The following LRRC37A2 variants were observed in gnomAD, a reference collection of about 807,000 sequenced individuals.
LRRC37A2 encodes the protein leucine-rich repeat-containing protein 37A2.
Under a neutral mutation model 68.8 loss-of-function variants are expected in LRRC37A2, and 9 were observed. That is an observed-to-expected ratio of 0.13 (90% CI 0.08 to 0.23). The LOEUF (loss-of-function observed/expected upper bound fraction) is 0.23. Among genes scored for constraint, LRRC37A2 ranks in the 10% least tolerant of loss-of-function variants. The pLI, the probability that LRRC37A2 is intolerant of heterozygous loss-of-function variation, is 1.00. For synonymous variants in LRRC37A2, 63 were observed against 367.6 expected (o/e 0.17, Z 9.48); for missense variants, 168 against 950.4 (o/e 0.18, Z 10.82).
chr17:46,733,472 A>G, the LRRC37A2 span, among the ~76,000 whole-genome samples: 1 of 152,144 alleles, frequency 6.6e-6, no homozygotes. Context: ...CTCACTGTTT[A>G]ATGCTGGGTT....
chr17:46,946,730 G>A, the LRRC37A2 span, among the ~76,000 whole-genome samples: 2 of 152,128 alleles, frequency 1.3e-5, no homozygotes, highest in Non-Finnish European at 2.9e-5. Flanking sequence ...AGGCAAGTTG[G>A]TGTGCGCCTG....
the LRRC37A2 span, among the ~76,000 whole-genome samples, chr17:46,894,632 C>T: frequency 1.8e-4 from 27 of 152,166 alleles, no homozygotes; most frequent in African/African-American, 6.5e-4. Context: ...GAGGGCTTGG[C>T]TGACAGATCT....
the LRRC37A2 span, chr17:46,931,978 C>T: frequency 1.3e-4 from 148 of 1,147,682 alleles, no homozygotes; most frequent in East Asian, 2.0e-3. Context: ...AGTAAGGAAA[C>T]GCCGTCTTTC....
chr17:46,908,392 G>A, the LRRC37A2 span, among the ~76,000 whole-genome samples: 1 of 152,192 alleles, frequency 6.6e-6, no homozygotes, highest in African/African-American at 2.4e-5. Context: ...CGCCATTAAT[G>A]CAGCTTGTCT....
the LRRC37A2 span, among the ~76,000 whole-genome samples, chr17:46,622,419 G>C: frequency 6.7e-6 from 1 of 150,130 alleles, no homozygotes; most frequent in Non-Finnish European, 1.5e-5. Flanking sequence ...TATCGCACCA[G>C]GGCAGTCCAG....
At chr17:46,730,672 A>T in the LRRC37A2 span, among the ~76,000 whole-genome samples, 1 of 152,068 alleles carries the variant, frequency 6.6e-6, no homozygotes, top group African/African-American at 2.4e-5. Context: ...ACAAAAAAAA[A>T]TTTTTCAGTG....
the LRRC37A2 span, among the ~76,000 whole-genome samples, chr17:46,914,863 CCTTT>C: frequency 6.6e-6 from 1 of 152,058 alleles, no homozygotes; most frequent in African/African-American, 2.4e-5. Context: ...AGAAAGTCTT[CCTTT>C]GTCATAATAA....
chr17:47,003,053 G>A, the LRRC37A2 span, among the ~76,000 whole-genome samples: 1 of 151,748 alleles, frequency 6.6e-6, no homozygotes, highest in Non-Finnish European at 1.5e-5. Flanking sequence ...ACCAGCCTGG[G>A]CAACAGAGCC....
chr17:46,836,473 T>C, the LRRC37A2 span, among the ~76,000 whole-genome samples: 4 of 152,126 alleles, frequency 2.6e-5, no homozygotes, highest in African/African-American at 9.7e-5. Context: ...TGAATATCTT[T>C]GTGTTTTTTT....
chr17:46,944,173 TC>T, the LRRC37A2 span, among the ~76,000 whole-genome samples: 2 of 152,178 alleles, frequency 1.3e-5, no homozygotes, highest in Admixed American at 6.5e-5. Flanking sequence ...TATTCCGTCT[TC>T]CAGAGCCCTG....
chr17:46,900,820 T>A, the LRRC37A2 span, among the ~76,000 whole-genome samples: 1 of 152,162 alleles, frequency 6.6e-6, no homozygotes, highest in Admixed American at 6.5e-5. Context: ...TACCATTAAC[T>A]TATTCATTAC....
chr17:46,754,525 G>A, the LRRC37A2 span, among the ~76,000 whole-genome samples: 1 of 151,954 alleles, frequency 6.6e-6, no homozygotes, highest in Non-Finnish European at 1.5e-5. Context: ...TCATCTTCAG[G>A]AACTAAAGAT....
the LRRC37A2 span, among the ~76,000 whole-genome samples, chr17:46,721,107 C>T: frequency 1.3e-5 from 2 of 152,154 alleles, no homozygotes; most frequent in Non-Finnish European, 2.9e-5. Context: ...GTGGCAGAGC[C>T]CCGCTTCTCC....
chr17:46,849,565 G>A, the LRRC37A2 span, among the ~76,000 whole-genome samples: 1 of 152,214 alleles, frequency 6.6e-6, no homozygotes, highest in Non-Finnish European at 1.5e-5. Flanking sequence ...TGTGATCGTG[G>A]TTCAAAATCT....
chr17:46,866,057 T>C, the LRRC37A2 span, among the ~76,000 whole-genome samples: 428 of 152,302 alleles, frequency 2.8e-3, 2 homozygotes, highest in African/African-American at 9.9e-3. Context: ...CGAATTTGCC[T>C]GGCTGCAGGA....
At chr17:46,801,083 T>C in the LRRC37A2 span, among the ~76,000 whole-genome samples, 2 of 152,162 alleles carry the variant, frequency 1.3e-5, no homozygotes, top group Non-Finnish European at 1.5e-5. Context: ...TATCCTTTCA[T>C]CCTCACAATA....
intron 8 of LRRC37A2, among the ~76,000 whole-genome samples, chr17:46,543,585 G>GCTGCA (rs2055807969): frequency 6.6e-6 from 1 of 150,772 alleles, no homozygotes; most frequent in Non-Finnish European, 1.5e-5. Context: ...GTTCTTAGGG[G>GCTGCA]CTGCACACTG....
chr17:46,774,917 G>A, the LRRC37A2 span, among the ~76,000 whole-genome samples: 1 of 152,158 alleles, frequency 6.6e-6, no homozygotes, highest in African/African-American at 2.4e-5. Context: ...TATGACCAGG[G>A]GCAGTGTGAG....
At chr17:46,825,580 G>A in the LRRC37A2 span, among the ~76,000 whole-genome samples, 2 of 152,330 alleles carry the variant, frequency 1.3e-5, no homozygotes, top group African/African-American at 2.4e-5. Flanking sequence ...TTTCTTCAAC[G>A]CATCTTCATG....
Sources: allele counts gnomAD v4.1 joint callset (sites outside exome capture counted in the v4.1 genomes callset), GRCh38; gene constraint gnomAD v4.1.1; transcripts MANE v1.5; gene names NCBI Gene and HGNC (gene_info 2026-07-23, HGNC 2026-07-21).